The following COG6 variants were observed in gnomAD, a reference collection of about 807,000 sequenced individuals.
COG6 encodes the protein component of oligomeric golgi complex 6.
Under a neutral mutation model 88.8 loss-of-function variants are expected in COG6, and 74 were observed. That is an observed-to-expected ratio of 0.83 (90% CI 0.69 to 1.01). The LOEUF (loss-of-function observed/expected upper bound fraction) is 1.01. COG6 is among the 50% of genes least tolerant of loss of function. The probability of loss-of-function intolerance (pLI) is 0.00; values close to 1 mark genes in which losing one functional copy is unlikely to be tolerated. For synonymous variants in COG6, 286 were observed against 278.7 expected (o/e 1.03, Z -0.26); for missense variants, 800 against 797.9 (o/e 1.00, Z -0.03).
intron 13 of COG6, among the ~76,000 whole-genome samples, chr13:39,717,532 T>C (rs1878593854): frequency 6.6e-6 from 1 of 152,108 alleles, no homozygotes; most frequent in Admixed American, 6.6e-5. Flanking sequence ...ATCTTTAAGT[T>C]CCTGTCTTTA....
chr13:39,741,408 C>G (rs776211437), intron 18 of COG6, among the ~76,000 whole-genome samples: 14 of 152,078 alleles, frequency 9.2e-5, no homozygotes, highest in Non-Finnish European at 1.6e-4. Context: ...TAGAGAAGAC[C>G]TTAAATGACC....
intron 18 of COG6, among the ~76,000 whole-genome samples, chr13:39,747,886 A>G (rs1880423841): frequency 6.6e-6 from 1 of 152,212 alleles, no homozygotes; most frequent in Non-Finnish European, 1.5e-5. Flanking sequence ...TACTACATTT[A>G]CAAGTTAAAT....
At chr13:39,737,815 C>T (rs1879842394) in intron 18 of COG6, among the ~76,000 whole-genome samples, 3 of 152,066 alleles carry the variant, frequency 2.0e-5, no homozygotes, top group Admixed American at 2.0e-4. Flanking sequence ...TGGGGCTTGC[C>T]AGAACTCTGG....
intron 1 of COG6, chr13:39,657,000 A>G: frequency 9.8e-6 from 4 of 407,844 alleles, no homozygotes; most frequent in South Asian, 5.5e-5. Context: ...TTATTATATC[A>G]TTTAAGACTG....
intron 12 of COG6, among the ~76,000 whole-genome samples, chr13:39,698,303 A>G (rs186674132): frequency 6.6e-5 from 10 of 152,110 alleles, no homozygotes. Context: ...TCAGAGAAAT[A>G]CTTGTTTTCA....
At chr13:39,786,197 C>A (rs926759569) in intron 18 of COG6, among the ~76,000 whole-genome samples, 3 of 152,114 alleles carry the variant, frequency 2.0e-5, no homozygotes, top group Non-Finnish European at 2.9e-5. Flanking sequence ...ATCAGTGACC[C>A]AAAACAACCA....
At chr13:39,775,696 A>G (rs1396426865) in intron 18 of COG6, among the ~76,000 whole-genome samples, 1 of 152,214 alleles carries the variant, frequency 6.6e-6, no homozygotes, top group African/African-American at 2.4e-5. Context: ...ACCGAAACAA[A>G]TTAAAGCATC....
At chr13:39,666,140 T>C (rs1013666624) in intron 4 of COG6, among the ~76,000 whole-genome samples, 5 of 152,216 alleles carry the variant, frequency 3.3e-5, no homozygotes, top group Admixed American at 6.5e-5. Flanking sequence ...GTAGTTCAGG[T>C]CAAGATCAAT....
chr13:39,769,705 A>C (rs1180107936), intron 18 of COG6, among the ~76,000 whole-genome samples: 1 of 152,112 alleles, frequency 6.6e-6, no homozygotes, highest in African/African-American at 2.4e-5. Context: ...TTGAAACCTA[A>C]CCCCCAAGGT....
At chr13:39,701,243 A>G (rs1387860416) in intron 13 of COG6, among the ~76,000 whole-genome samples, 1 of 151,850 alleles carries the variant, frequency 6.6e-6, no homozygotes. Flanking sequence ...GGCTAATCAC[A>G]AATATCTAGA....
chr13:39,765,937 A>C (rs988511201), intron 18 of COG6, among the ~76,000 whole-genome samples: 1 of 152,250 alleles, frequency 6.6e-6, no homozygotes, highest in African/African-American at 2.4e-5. Flanking sequence ...TTAAGGCTCA[A>C]ATGCCAAGTG....
At chr13:39,762,283 T>C (rs1342262772) in intron 18 of COG6, among the ~76,000 whole-genome samples, 2 of 151,928 alleles carry the variant, frequency 1.3e-5, no homozygotes, top group Non-Finnish European at 2.9e-5. Flanking sequence ...AAATACTGCA[T>C]GTTCTCACTC....
Position 39,727,549 on chromosome 13 carries a change from G to A in COG6, c.1826+1G>A, listed in dbSNP as rs745789302. On this transcript the variant is annotated splice_donor_variant, in intron 18 of 18. Coordinates refer to ENST00000455146, the MANE Select transcript of COG6 (RefSeq NM_020751.3). LOFTEE classifies it high-confidence loss of function. Reference sequence around the variant, plus strand: ...ACTTTCTTCTAAGTGCCACAGTGAAGTAAGTATTTTTGGTCCCAAGTAGTT... The same window carrying A: ...ACTTTCTTCTAAGTGCCACAGTGAAATAAGTATTTTTGGTCCCAAGTAGTT... 1.2e-5 allele frequency: 20 copies of A among 1,609,168 alleles called. No individual in the cohort carries two copies. The highest frequency in any genetic ancestry group is 1.7e-5 in the Non-Finnish European group (20 of 1,175,814).
Position 39,686,634 on chromosome 13 carries a change from A to C in COG6, c.789-869A>C, listed in dbSNP as rs200308436. Among the ~76,000 whole-genome samples the C allele has an allele frequency of 3.3e-5, 5 of 152,242 alleles. No homozygotes were observed. The East Asian group carries it at 9.6e-4, about 29-fold the overall frequency. Reference sequence around the variant, plus strand: ...AAATAAGCTTTTAAAGATGGATAGCAATTTTTGGAGCAAATTTTGGTGATA... The same window carrying C: ...AAATAAGCTTTTAAAGATGGATAGCCATTTTTGGAGCAAATTTTGGTGATA... On this transcript the variant is annotated intron_variant, in intron 8 of 18. Transcript: ENST00000455146.
intron 12 of COG6, among the ~76,000 whole-genome samples, chr13:39,696,457 G>A (rs1877279312): frequency 5.3e-5 from 8 of 151,858 alleles, no homozygotes; most frequent in Admixed American, 5.3e-4. Flanking sequence ...CGATAGAGGT[G>A]ATATTTGAAT....
At chr13:39,724,479 T>C in intron 16 of COG6, 29 bp from the exon 17 acceptor site, 1 of 1,396,792 alleles carries the variant, frequency 7.2e-7, no homozygotes, top group Non-Finnish European at 9.8e-7. Flanking sequence ...ACATCTTGGA[T>C]CTGCTTTTTT....
chr13:39,686,264 A>G (rs1233198954), intron 8 of COG6, among the ~76,000 whole-genome samples: 1 of 152,208 alleles, frequency 6.6e-6, no homozygotes, highest in East Asian at 1.9e-4. Context: ...AAGACTGCTA[A>G]AATATATTTT....
chr13:39,766,378 T>A (rs1384229917), intron 18 of COG6, among the ~76,000 whole-genome samples: 2 of 152,010 alleles, frequency 1.3e-5, no homozygotes, highest in East Asian at 3.9e-4. Flanking sequence ...GGCATGGAGG[T>A]GGAGTAGGGA....
chr13:39,744,280 A>G (rs9548913), intron 18 of COG6, among the ~76,000 whole-genome samples: 75,102 of 151,990 alleles, frequency 0.49, 19,078 homozygotes, highest in South Asian at 0.69. Flanking sequence ...AGAGAAATAA[A>G]GGATATTTAA....
Sources: allele counts gnomAD v4.1 joint callset (sites outside exome capture counted in the v4.1 genomes callset), GRCh38; gene constraint gnomAD v4.1.1; transcripts MANE v1.5; gene names NCBI Gene and HGNC (gene_info 2026-07-23, HGNC 2026-07-21).